ASAP1: variants seen among roughly 807,000 people sequenced by gnomAD.
ASAP1 encodes the protein arf-GAP with SH3 domain, ANK repeat and PH domain-containing protein 1.
In ASAP1, 43 loss-of-function variants were observed where a neutral mutation model predicts 145.2. That is an observed-to-expected ratio of 0.30 (90% CI 0.23 to 0.38). ASAP1 has a LOEUF of 0.38. Ranked by LOEUF, ASAP1 falls within the 10% of genes least tolerant of loss-of-function variation. ASAP1 has a pLI of 1.00. For synonymous variants in ASAP1, 546 were observed against 515.5 expected, an observed-to-expected ratio of 1.06 and a Z score of -0.80; for missense variants, 1,018 against 1,355.3, an observed-to-expected ratio of 0.75 and a Z score of 3.91.
intron 3 of ASAP1, among the ~76,000 whole-genome samples, chr8:130,268,548 T>G (rs920022640): frequency 6.6e-6 from 1 of 150,460 alleles, no homozygotes; most frequent in Non-Finnish European, 1.5e-5. Flanking sequence ...TGTGTAACTA[T>G]AGAGCAATAT....
intron 5 of ASAP1, among the ~76,000 whole-genome samples, chr8:130,190,329 A>G (rs1815053286): frequency 6.6e-6 from 1 of 152,114 alleles, no homozygotes; most frequent in Non-Finnish European, 1.5e-5. Flanking sequence ...TGATTTTTGT[A>G]TATGGTGAGA....
intron 2 of ASAP1, among the ~76,000 whole-genome samples, chr8:130,388,252 G>C (rs1219122403): frequency 1.3e-5 from 2 of 152,152 alleles, no homozygotes; most frequent in African/African-American, 4.8e-5. Flanking sequence ...GGCAGAGGAG[G>C]GTACAGAGAT....
chr8:130,373,824 G>A (rs1349705636), intron 2 of ASAP1, among the ~76,000 whole-genome samples: 2 of 143,084 alleles, frequency 1.4e-5, no homozygotes, highest in Non-Finnish European at 3.0e-5. Flanking sequence ...TCCAGCCTGG[G>A]TGACAGAGTG....
chr8:130,076,923 A>G (rs1249878681), intron 26 of ASAP1, among the ~76,000 whole-genome samples: 1 of 152,210 alleles, frequency 6.6e-6, no homozygotes, highest in African/African-American at 2.4e-5. Context: ...TTAATGATAA[A>G]GCCCAACTCC....
rs1424602539 is a variant in ASAP1, at chr8:130,358,600, G to A, written c.60-457C>T. Among the ~76,000 whole-genome samples the A allele has an allele frequency of 6.8e-6, 1 of 147,228 alleles. No individual in the cohort carries two copies. Among genetic ancestry groups the A allele is most frequent in the Non-Finnish European group, 1.5e-5 (1 of 66,150 alleles). Reference sequence around the variant, plus strand: ...GCGGCGCGGGCCTGACTGACTGAGCGCACACTCCCGCGGCGGGCGGGCGGG... The same window carrying A: ...GCGGCGCGGGCCTGACTGACTGAGCACACACTCCCGCGGCGGGCGGGCGGG... On this transcript the variant is annotated intron_variant, in intron 2 of 29. Coordinates refer to ENST00000518721, the MANE Select transcript of ASAP1 (RefSeq NM_018482.4). The surrounding 1 kb of genome is among the most constrained non-coding windows in gnomAD (Gnocchi z 4.1).
chr8:130,240,202 G>T (rs1043479568), intron 3 of ASAP1, among the ~76,000 whole-genome samples: 3 of 152,106 alleles, frequency 2.0e-5, no homozygotes, highest in African/African-American at 7.2e-5. Flanking sequence ...TTACCAACTT[G>T]CCTATGAACT....
At chr8:130,101,603 C>T (rs1339091004) in intron 24 of ASAP1, among the ~76,000 whole-genome samples, 1 of 151,638 alleles carries the variant, frequency 6.6e-6, no homozygotes, top group Admixed American at 6.6e-5. Flanking sequence ...CAGGGTCTTT[C>T]TCTGTCACCC....
chr8:130,072,787 A>C, intron 27 of ASAP1, among the ~76,000 whole-genome samples: 2 of 36,018 alleles, frequency 5.6e-5, no homozygotes, highest in Admixed American at 3.5e-4. Context: ...TGGACTTGCA[A>C]TTGATATGTG....
intron 3 of ASAP1, among the ~76,000 whole-genome samples, chr8:130,296,645 C>T (rs1228841076): frequency 1.3e-5 from 2 of 151,850 alleles, no homozygotes; most frequent in Admixed American, 1.3e-4. Flanking sequence ...GATCCTGCAT[C>T]AAGGAAGAAT....
chr8:130,403,908 C>T (rs1490198376), intron 1 of ASAP1, among the ~76,000 whole-genome samples: 1 of 152,110 alleles, frequency 6.6e-6, no homozygotes, highest in Non-Finnish European at 1.5e-5. Flanking sequence ...ACCACAGGTC[C>T]TTTGCCCATG....
At chr8:130,292,196 T>A (rs1407236835) in intron 3 of ASAP1, among the ~76,000 whole-genome samples, 4 of 152,218 alleles carry the variant, frequency 2.6e-5, no homozygotes, top group Non-Finnish European at 4.4e-5. Flanking sequence ...GAATCATGCA[T>A]ACACGCATTC....
At chr8:130,433,156 C>T (rs916686197) in intron 1 of ASAP1, among the ~76,000 whole-genome samples, 1 of 152,202 alleles carries the variant, frequency 6.6e-6, no homozygotes, top group Non-Finnish European at 1.5e-5. Flanking sequence ...TTTTCTAGAT[C>T]AGGAGTTCTG....
At chr8:130,094,383 A>G (rs117638352) in intron 24 of ASAP1, among the ~76,000 whole-genome samples, 2 of 152,132 alleles carry the variant, frequency 1.3e-5, no homozygotes, top group East Asian at 3.9e-4. Flanking sequence ...GCTAATTTTT[A>G]AAAATTTTTA....
chr8:130,256,408 TG>T (rs1257361480), intron 3 of ASAP1, among the ~76,000 whole-genome samples: 64 of 53,532 alleles, frequency 1.2e-3, no homozygotes, highest in African/African-American at 4.2e-3. Flanking sequence ...ATCTGGGGGG[TG>T]GGGGGCGGTG....
chr8:130,344,961 CA>C (rs1364400429), intron 3 of ASAP1, among the ~76,000 whole-genome samples: 4 of 152,136 alleles, frequency 2.6e-5, no homozygotes, highest in Admixed American at 6.6e-5. Flanking sequence ...AATTACTTGA[CA>C]AAACATCTCC....
chr8:130,323,130 A>G (rs1468343132), intron 3 of ASAP1, among the ~76,000 whole-genome samples: 2 of 152,196 alleles, frequency 1.3e-5, no homozygotes, highest in African/African-American at 4.8e-5. Context: ...CCTAAACAAA[A>G]GCAACTGCTC....
At chr8:130,060,075 CAAAAAAAAAAA>C (rs55875346) in intron 28 of ASAP1, among the ~76,000 whole-genome samples, 18 of 95,906 alleles carry the variant, frequency 1.9e-4, no homozygotes, top group South Asian at 4.3e-4. Flanking sequence ...GAGCCCTTCT[CAAAAAAAAAAA>C]AAAAAAAAAA....
chr8:130,426,456 TC>T (rs1368372971), intron 1 of ASAP1, among the ~76,000 whole-genome samples: 2 of 150,282 alleles, frequency 1.3e-5, no homozygotes, highest in Non-Finnish European at 3.0e-5. Context: ...ATTCTTCCAC[TC>T]ACAACCCTCC....
intron 22 of ASAP1, 106 bp from the exon 23 acceptor site, chr8:130,115,841 C>T: frequency 3.7e-6 from 3 of 820,688 alleles, no homozygotes; most frequent in Non-Finnish European, 2.1e-6. Context: ...TTCAATGAAT[C>T]ATCTGTAGGT....
Sources: gnomAD v4.1 joint callset for allele counts (sites outside exome capture counted in the v4.1 genomes callset) on GRCh38, gnomAD v4.1.1 for gene constraint, Gnocchi (gnomAD v3.1) non-coding constraint, MANE v1.5 for transcripts, NCBI Gene and HGNC (gene_info 2026-07-23, HGNC 2026-07-21) for gene names.